The following SAMD12 variants were observed in gnomAD, a reference collection of about 807,000 sequenced individuals.
SAMD12 encodes the protein sterile alpha motif domain-containing protein 12.
A neutral mutation model predicts 15.0 loss-of-function variants in SAMD12; 9 were observed. That is an observed-to-expected ratio of 0.60 (90% CI 0.36 to 1.05). SAMD12 has a LOEUF of 1.05. SAMD12 is among the 50% of genes least tolerant of loss of function. SAMD12 has a pLI of 0.01. For missense variants in SAMD12, 230 were observed against 234.2 expected, an observed-to-expected ratio of 0.98 and a Z score of 0.12; for synonymous variants, 86 against 90.1, an observed-to-expected ratio of 0.96 and a Z score of 0.25.
intron 4 of SAMD12, among the ~76,000 whole-genome samples, chr8:118,223,687 G>C (rs954465019): frequency 6.6e-6 from 1 of 152,156 alleles, no homozygotes; most frequent in African/African-American, 2.4e-5. Flanking sequence ...TATATCTTTT[G>C]CCCATCTCAA....
chr8:118,359,951 T>C (rs532660648), intron 4 of SAMD12, among the ~76,000 whole-genome samples: 7 of 152,234 alleles, frequency 4.6e-5, no homozygotes, highest in Non-Finnish European at 8.8e-5. Context: ...GTCCTATATA[T>C]AGCATATAAT....
At chr8:118,514,524 T>C (rs990005865) in intron 2 of SAMD12, among the ~76,000 whole-genome samples, 2 of 152,228 alleles carry the variant, frequency 1.3e-5, no homozygotes, top group African/African-American at 4.8e-5. Context: ...TTCTCAAAGA[T>C]TATTCATTCT....
downstream of SAMD12, among the ~76,000 whole-genome samples, chr8:118,376,723 A>G (rs1193239705): frequency 1.3e-5 from 2 of 152,168 alleles, no homozygotes; most frequent in Non-Finnish European, 2.9e-5. Context: ...ACCCTCTTTA[A>G]GAGGGAAGCC....
the SAMD12 span, among the ~76,000 whole-genome samples, chr8:118,162,453 CTGATG>C: frequency 6.6e-6 from 1 of 151,510 alleles, no homozygotes; most frequent in Admixed American, 6.6e-5. Context: ...CTTTGAGTGA[CTGATG>C]AATGTGGTGT....
chr8:118,457,286 G>A (rs1242798989), intron 2 of SAMD12, among the ~76,000 whole-genome samples: 3 of 149,432 alleles, frequency 2.0e-5, no homozygotes, highest in Non-Finnish European at 4.4e-5. Context: ...GCTGGAGTGC[G>A]GTGGCATGAT....
chr8:118,148,189 G>A, the SAMD12 span, among the ~76,000 whole-genome samples: 1 of 151,930 alleles, frequency 6.6e-6, no homozygotes, highest in Non-Finnish European at 1.5e-5. Context: ...CTAGGCCTGG[G>A]ATTACAGGCA....
At chr8:118,196,947 C>T (rs1214576586) in exon 5 of SAMD12, 3 of 152,064 alleles carry the variant, frequency 2.0e-5, no homozygotes, top group East Asian at 1.9e-4. Context: ...CCCTTTGGTG[C>T]TAGAAGTAAA....
At chr8:118,421,787 C>T (rs1397291781) in intron 3 of SAMD12, among the ~76,000 whole-genome samples, 1 of 152,182 alleles carries the variant, frequency 6.6e-6, no homozygotes, top group Admixed American at 6.5e-5. Flanking sequence ...TCACTCTTGG[C>T]ACTGAGCAAA....
intron 4 of SAMD12, among the ~76,000 whole-genome samples, chr8:118,269,220 C>CTCTCTCTGTGTGTGTGTGTGTG (rs1299970707): frequency 1.6e-5 from 2 of 123,042 alleles, no homozygotes; most frequent in African/African-American, 6.8e-5. Flanking sequence ...CTCTCTCTCT[C>CTCTCTCTGTGTGTGTGTGTGTG]TGTGTGTGTG....
At chr8:118,559,744 A>G (rs1826652884) in intron 2 of SAMD12, among the ~76,000 whole-genome samples, 1 of 152,184 alleles carries the variant, frequency 6.6e-6, no homozygotes, top group Admixed American at 6.5e-5. Context: ...TAGAAAATCT[A>G]GTGTGTAACA....
chr8:118,526,027 A>G lies in SAMD12; in HGVS notation c.192+54688T>C, dbSNP rs559670302. Among the ~76,000 whole-genome samples, 5 of 152,340 alleles carry G rather than the reference A, an allele frequency of 3.3e-5. No homozygotes were observed. In the South Asian group the frequency reaches 6.2e-4, roughly 19 times the overall value. ...TGTTTTACTTCTCTGTGTCCTTCACAAGACTGATTACAGACTCCAAGTCTT... is the reference window on the plus strand; with the variant it reads ...TGTTTTACTTCTCTGTGTCCTTCACGAGACTGATTACAGACTCCAAGTCTT... On this transcript the variant is annotated intron_variant, in intron 2 of 3. Transcript: ENST00000314727.
rs562086454 is a variant in SAMD12, at chr8:118,217,884, G to A, written c.434-20152C>T. Among the ~76,000 whole-genome samples the A allele has an allele frequency of 2.0e-4, 31 of 152,276 alleles. No individual in the cohort carries two copies. The South Asian group carries it at 5.6e-3, about 28-fold the overall frequency. Reference sequence around the variant, plus strand: ...ATTGACTCTGATTTCTGGATGTGCTGTTCCTAATACTTAGAAAAGCTTTCT... The same window carrying A: ...ATTGACTCTGATTTCTGGATGTGCTATTCCTAATACTTAGAAAAGCTTTCT... On this transcript the variant is annotated intron_variant, in intron 4 of 4. Coordinates refer to the SAMD12 transcript ENST00000409003.
chr8:118,462,648 C>G (rs1485261083), intron 2 of SAMD12, among the ~76,000 whole-genome samples: 1 of 152,080 alleles, frequency 6.6e-6, no homozygotes, highest in Non-Finnish European at 1.5e-5. Flanking sequence ...AGCAAGGAAG[C>G]AAGCAAGCGA....
At chr8:118,531,883 T>C (rs1586792435) in intron 2 of SAMD12, among the ~76,000 whole-genome samples, 2 of 152,198 alleles carry the variant, frequency 1.3e-5, no homozygotes, top group African/African-American at 4.8e-5. Flanking sequence ...ACAGGGACAA[T>C]TCGACTTCCT....
At chr8:118,281,946 G>T (rs556086812) in intron 4 of SAMD12, among the ~76,000 whole-genome samples, 2 of 152,304 alleles carry the variant, frequency 1.3e-5, no homozygotes, top group African/African-American at 4.8e-5. Context: ...ATTACAGACA[G>T]GGGCTGCATC....
chr8:118,423,008 T>C (rs2130850293), intron 3 of SAMD12, among the ~76,000 whole-genome samples: 1 of 152,262 alleles, frequency 6.6e-6, no homozygotes, highest in African/African-American at 2.4e-5. Flanking sequence ...AACCTGCCTC[T>C]ACAAATAAAA....
chr8:118,167,347 A>G, the SAMD12 span, among the ~76,000 whole-genome samples: 2 of 152,106 alleles, frequency 1.3e-5, no homozygotes, highest in Non-Finnish European at 2.9e-5. Flanking sequence ...TGTAAGCAAG[A>G]GGAATGCAGC....
chr8:118,200,881 A>C (rs1819696719), intron 4 of SAMD12, among the ~76,000 whole-genome samples: 1 of 152,134 alleles, frequency 6.6e-6, no homozygotes, highest in Non-Finnish European at 1.5e-5. Flanking sequence ...GTGCAGTGGC[A>C]CCATCACGGC....
chr8:118,287,326 C>T (rs1031325462), intron 4 of SAMD12, among the ~76,000 whole-genome samples: 3 of 150,890 alleles, frequency 2.0e-5, no homozygotes, highest in Non-Finnish European at 4.4e-5. Context: ...GGGGTTTCAC[C>T]GTGTTAGCCA....
Sources: gnomAD v4.1 joint callset for allele counts (sites outside exome capture counted in the v4.1 genomes callset) on GRCh38, gnomAD v4.1.1 for gene constraint, MANE v1.5 for transcripts, NCBI Gene and HGNC (gene_info 2026-07-23, HGNC 2026-07-21) for gene names.